The following ADGRD1 variants were observed in gnomAD, a reference collection of about 807,000 sequenced individuals.
ADGRD1 encodes G-protein coupled receptor 133.
ADGRD1 carries 77 observed loss-of-function variants against 113.4 expected under a neutral mutation model. The ratio of observed to expected loss-of-function variants is 0.68; its 90% CI spans 0.57 to 0.82. ADGRD1 has a LOEUF of 0.82. Among genes scored for constraint, ADGRD1 ranks in the 40% least tolerant of loss-of-function variants. The pLI, the probability that ADGRD1 is intolerant of heterozygous loss-of-function variation, is 0.00. For missense variants in ADGRD1, 1,036 were observed against 1,139.1 expected, an observed-to-expected ratio of 0.91 and a Z score of 1.30; for synonymous variants, 474 against 475.0, an observed-to-expected ratio of 1.00 and a Z score of 0.03.
chr12:131,004,419 G>GGTGCTCCCCCGGGCCGCCTGCA, intron 11 of ADGRD1, 123 bp downstream of exon 11: 3 of 768,046 alleles, frequency 3.9e-6, no homozygotes, highest in South Asian at 3.3e-5. Flanking sequence ...GGCCGCCTGC[G>GGTGCTCCCCCGGGCCGCCTGCA]GTGCTCCCCC....
chr12:130,986,586 T>C (rs984732535), intron 5 of ADGRD1, among the ~76,000 whole-genome samples: 4 of 152,232 alleles, frequency 2.6e-5, no homozygotes, highest in African/African-American at 9.6e-5. Context: ...ACATCATCTG[T>C]GAATAAATAT....
rs747560774 is a variant in ADGRD1 at position 131,108,768 on chromosome 12, G to A, written c.1932G>A (p.Leu644=). 7 of 1,614,152 alleles carry A rather than the reference G, an allele frequency of 4.3e-6. No individual in the cohort carries two copies. The South Asian group carries it at 4.4e-5, about 10-fold the overall frequency. The change falls in exon 18 of 25, where the codon CTG becomes CTA. Residue 644 remains leucine (L), a synonymous_variant. Transcript: ENST00000261654. ...CCGTGCTCCTACACTACTTCTTCCTGAGTGCCTTCGCATGGATGCTGGTGG... is the reference window on the plus strand; with the variant it reads ...CCGTGCTCCTACACTACTTCTTCCTAAGTGCCTTCGCATGGATGCTGGTGG... The part of the protein sequence containing the change: ...VMAVLLHYFF[L]SAFAWMLVEG...
In ADGRD1 at chr12:130,954,446, C is replaced by T. The variant is rs1180270659; in HGVS notation, c.-20C>T. ...CTCAGGAATTTCACTTGGCTCCGAG[C>T]TTTGACCTCCGAGAGAGCCATGGAA... On this transcript the variant is annotated 5_prime_UTR_variant, in exon 1 of 25. Coordinates refer to ENST00000261654, the MANE Select transcript of ADGRD1 (RefSeq NM_198827.5). This position sits in a 1 kb window ranked among gnomAD's most constrained non-coding sequence, Gnocchi z 4.7. 1 of 1,531,982 alleles carries T rather than the reference C, an allele frequency of 6.5e-7. No homozygotes were observed. The highest frequency in any genetic ancestry group is 1.3e-5 in the South Asian group (1 of 77,500). 94.9% of individuals were successfully genotyped at this position (1,531,982 alleles called of 1,614,324 possible). A position where few individuals can be genotyped will look rare whatever the true frequency, so the allele number is the denominator to read the frequency against.
In ADGRD1 at chr12:131,140,004, T is replaced by A. The variant is rs1366983242; in HGVS notation, c.*741T>A. The A allele has an allele frequency of 1.3e-5, 2 of 152,516 alleles. No homozygotes were observed. The highest frequency in any genetic ancestry group is 1.9e-4 in the East Asian group (1 of 5,190). The allele number at this position is 152,516 out of a possible 1,614,324, so 9.4% of individuals were successfully genotyped here. The stretch of plus-strand genomic sequence containing the variant: ...CGCTCTGGGCCTTGAGGCTGCCTGA[T>A]GGTGCCTGTGCTTGGGGGAGCTTCT... On this transcript the variant is annotated 3_prime_UTR_variant, in exon 25 of 25. Transcript: ENST00000261654.
At chr12:131,123,502 A>G (rs1303570528) in intron 20 of ADGRD1, among the ~76,000 whole-genome samples, 2 of 151,616 alleles carry the variant, frequency 1.3e-5, no homozygotes, top group Non-Finnish European at 2.9e-5. Flanking sequence ...AAGGGAGGCA[A>G]GAGCTGAATG....
intron 12 of ADGRD1, among the ~76,000 whole-genome samples, chr12:131,012,794 CA>C (rs772151327): frequency 1.3e-5 from 2 of 152,208 alleles, no homozygotes; most frequent in African/African-American, 2.4e-5. Flanking sequence ...GGTGTCGAAA[CA>C]GGGACCTGCA....
At position 131,075,811 on chromosome 12, in the gene ADGRD1, C is replaced by G. The variant is rs1355144100; in HGVS notation, c.1474-990C>G. 6.6e-6 allele frequency among the ~76,000 whole-genome samples: 1 copy of G among 152,158 alleles called. No individual in the cohort carries two copies. Among genetic ancestry groups the G allele is most frequent in the Admixed American group, 6.5e-5 (1 of 15,284 alleles). On this transcript the variant is annotated intron_variant, in intron 13 of 24. Transcript: ENST00000261654. The surrounding 1 kb of genome is among the most constrained non-coding windows in gnomAD (Gnocchi z 5.3). Reference sequence around the variant, plus strand: ...CAGTGCCTTCCTGAGGGCTGGTCACCCTGAAATGGGGGAAGGGTCTCATTG... The same window carrying G: ...CAGTGCCTTCCTGAGGGCTGGTCACGCTGAAATGGGGGAAGGGTCTCATTG...
At chr12:130,992,790 T>A (rs1213313912) in intron 8 of ADGRD1, among the ~76,000 whole-genome samples, 1 of 152,272 alleles carries the variant, frequency 6.6e-6, no homozygotes, top group Non-Finnish European at 1.5e-5. Flanking sequence ...CTGTGCACAG[T>A]GGGAGTCCCC....
At chr12:131,104,769 A>C in intron 15 of ADGRD1, 62 bp from the exon 16 acceptor site, 1 of 1,189,700 alleles carries the variant, frequency 8.4e-7, no homozygotes, top group Non-Finnish European at 1.2e-6. Flanking sequence ...GGCCCTCTGC[A>C]GCTTCAGGCT....
rs1884228747 is a variant in ADGRD1, at chr12:131,060,501, G to A, written c.1474-16300G>A. On this transcript the variant is annotated intron_variant, in intron 13 of 24. Transcript: ENST00000261654. The surrounding 1 kb of genome is among the most constrained non-coding windows in gnomAD (Gnocchi z 4.4). Reference sequence around the variant, plus strand: ...CGATGCTGGCTGTTAACTGCTGGCTGGGTCACACCATGCAGAGACTGGCCA... The same window carrying A: ...CGATGCTGGCTGTTAACTGCTGGCTAGGTCACACCATGCAGAGACTGGCCA... Among the ~76,000 whole-genome samples, 1 of 152,204 alleles carries A rather than the reference G, an allele frequency of 6.6e-6. No individual in the cohort carries two copies. The highest frequency in any genetic ancestry group is 6.5e-5 in the Admixed American group (1 of 15,288).
chr12:131,107,478 C>T (rs76820709), intron 17 of ADGRD1, among the ~76,000 whole-genome samples: 20 of 143,066 alleles, frequency 1.4e-4, no homozygotes, highest in African/African-American at 4.5e-4. Flanking sequence ...TGATGGGTCC[C>T]GCTCTCCCAG....
At chr12:131,087,729 C>G (rs1041055555) in intron 15 of ADGRD1, among the ~76,000 whole-genome samples, 1 of 12,314 alleles carries the variant, frequency 8.1e-5, no homozygotes, top group East Asian at 0.019. Flanking sequence ...GTCCCCACGC[C>G]CCCCCCATGC....
intron 4 of ADGRD1, among the ~76,000 whole-genome samples, chr12:130,972,208 G>A (rs989938964): frequency 5.9e-5 from 9 of 152,304 alleles, no homozygotes; most frequent in African/African-American, 1.9e-4. Flanking sequence ...GGCAATGCAC[G>A]TCTGGATCAC....
chr12:131,006,865 A>T (rs1257356423), intron 12 of ADGRD1, among the ~76,000 whole-genome samples: 1 of 152,178 alleles, frequency 6.6e-6, no homozygotes, highest in African/African-American at 2.4e-5. Flanking sequence ...GCCACTCTTT[A>T]TGTGTGATTT....
At chr12:131,037,940 T>C (rs1318952249) in intron 13 of ADGRD1, among the ~76,000 whole-genome samples, 3 of 149,034 alleles carry the variant, frequency 2.0e-5, no homozygotes, top group South Asian at 2.2e-4. Context: ...ACTCACTGCA[T>C]GGGGCCTCAC....
chr12:130,986,224 A>G (rs779941919), intron 5 of ADGRD1, among the ~76,000 whole-genome samples: 3 of 152,230 alleles, frequency 2.0e-5, no homozygotes, highest in South Asian at 2.1e-4. Context: ...TGTTGAATAT[A>G]TAGATCAATT....
chr12:131,071,141 C>A (rs1472383949), intron 13 of ADGRD1, among the ~76,000 whole-genome samples: 1 of 132,444 alleles, frequency 7.6e-6, no homozygotes, highest in Admixed American at 8.1e-5. Context: ...GAGCCATGTG[C>A]AAGGAGGTGG....
chr12:130,980,276 T>G lies in ADGRD1; in HGVS notation c.311-1608T>G, dbSNP rs541082604. ...CCTGCCACCACGCCTGGCTAATTTTTTGTATTTTTAGTAGAGACGGGGTTT... is the reference window on the plus strand; with the variant it reads ...CCTGCCACCACGCCTGGCTAATTTTGTGTATTTTTAGTAGAGACGGGGTTT... On this transcript the variant is annotated intron_variant, in intron 4 of 24. Transcript: ENST00000261654. 1.9e-3 allele frequency among the ~76,000 whole-genome samples: 280 copies of G among 151,316 alleles called. 2 individuals are homozygous for G. The highest frequency in any genetic ancestry group is 6.1e-3 in the Admixed American group (93 of 15,196).
At chr12:130,977,291 A>C (rs1380269717) in intron 4 of ADGRD1, 1 of 152,260 alleles carries the variant, frequency 6.6e-6, no homozygotes, top group African/African-American at 2.4e-5. Flanking sequence ...GGGAAAGGGG[A>C]AAGGGAAGAA....
Sources: gnomAD v4.1 joint callset for allele counts (sites outside exome capture counted in the v4.1 genomes callset) on GRCh38, gnomAD v4.1.1 for gene constraint, Gnocchi (gnomAD v3.1) non-coding constraint, MANE v1.5 for transcripts, NCBI Gene and HGNC (gene_info 2026-07-23, HGNC 2026-07-21) for gene names.